The following RAB11FIP4 variants were observed in gnomAD, a reference collection of about 807,000 sequenced individuals.
RAB11FIP4 encodes the protein rab11 family-interacting protein 4.
RAB11FIP4 carries 23 observed loss-of-function variants against 74.3 expected under a neutral mutation model. The ratio of observed to expected loss-of-function variants is 0.31; its 90% CI spans 0.22 to 0.44. The LOEUF (loss-of-function observed/expected upper bound fraction) is 0.44. RAB11FIP4 is among the 20% of genes least tolerant of loss of function. The pLI is 1.00. For synonymous variants in RAB11FIP4, 360 were observed against 359.9 expected, an observed-to-expected ratio of 1.00 and a Z score of 0.00; for missense variants, 630 against 863.9, an observed-to-expected ratio of 0.73 and a Z score of 3.39.
intron 3 of RAB11FIP4, among the ~76,000 whole-genome samples, chr17:31,500,044 G>A (rs2072189459): frequency 1.3e-5 from 2 of 152,174 alleles, no homozygotes; most frequent in African/African-American, 4.8e-5. Flanking sequence ...TGTTTGCAGG[G>A]CAGAGGGTAG....
intron 3 of RAB11FIP4, among the ~76,000 whole-genome samples, chr17:31,459,433 C>G (rs1454577333): frequency 1.3e-5 from 2 of 152,150 alleles, no homozygotes; most frequent in Non-Finnish European, 2.9e-5. Flanking sequence ...CAGATACTCT[C>G]ATTCCTCTCT....
chr17:31,497,024 A>T (rs1269311945), intron 3 of RAB11FIP4, among the ~76,000 whole-genome samples: 1 of 152,168 alleles, frequency 6.6e-6, no homozygotes, highest in African/African-American at 2.4e-5. Flanking sequence ...CCTGGCACAC[A>T]ATAGGTGCTT....
Position 31,453,880 on chromosome 17 carries a change from T to C in RAB11FIP4, c.336+19758T>C, listed in dbSNP as rs576063023. 4.5e-4 allele frequency among the ~76,000 whole-genome samples: 67 copies of C among 150,340 alleles called. 2 individuals carry two copies. The highest frequency in any genetic ancestry group is 1.9e-3 in the Admixed American group (29 of 15,122). Reference sequence around the variant, plus strand: ...GTGGAAAATACTGGCATTTCTCAACTCACAATGCATAGATTGTGAGACATA... The same window carrying C: ...GTGGAAAATACTGGCATTTCTCAACCCACAATGCATAGATTGTGAGACATA... On this transcript the variant is annotated intron_variant, in intron 3 of 14. Transcript: ENST00000621161.
intron 1 of RAB11FIP4, among the ~76,000 whole-genome samples, chr17:31,407,180 G>T (rs1357372525): frequency 6.6e-6 from 1 of 151,122 alleles, no homozygotes; most frequent in East Asian, 2.0e-4. Context: ...GAATAGCTGG[G>T]ACTAACAGGT....
intron 3 of RAB11FIP4, among the ~76,000 whole-genome samples, chr17:31,453,792 CAA>C (rs555119408): frequency 5.0e-4 from 31 of 62,598 alleles, no homozygotes; most frequent in Admixed American, 7.3e-4. Context: ...AGACTCGTCT[CAA>C]AAAAAAAAAA....
chr17:31,480,819 A>G (rs541518657), intron 3 of RAB11FIP4, among the ~76,000 whole-genome samples: 16 of 151,538 alleles, frequency 1.1e-4, no homozygotes, highest in African/African-American at 3.1e-4. Flanking sequence ...AAAAAAAAGA[A>G]AGAAAATAGT....
intron 3 of RAB11FIP4, among the ~76,000 whole-genome samples, chr17:31,474,084 G>A (rs1349262657): frequency 6.6e-6 from 1 of 152,192 alleles, no homozygotes. Context: ...GAGGCTCATT[G>A]CAGCTGCAAT....
intron 4 of RAB11FIP4, among the ~76,000 whole-genome samples, chr17:31,519,895 C>T (rs1457560192): frequency 6.6e-6 from 1 of 151,494 alleles, no homozygotes; most frequent in Non-Finnish European, 1.5e-5. Context: ...GGCAGATCAC[C>T]TGAGGCCAGG....
At chr17:31,457,099 A>T (rs1369612596) in intron 3 of RAB11FIP4, among the ~76,000 whole-genome samples, 1 of 152,180 alleles carries the variant, frequency 6.6e-6, no homozygotes, top group Non-Finnish European at 1.5e-5. Flanking sequence ...TGAGTTGCTC[A>T]GGTGAGGGTG....
intron 3 of RAB11FIP4, among the ~76,000 whole-genome samples, chr17:31,444,862 C>A (rs530210688): frequency 1.3e-5 from 2 of 152,328 alleles, no homozygotes; most frequent in South Asian, 2.1e-4. Flanking sequence ...TGATCCCTCC[C>A]CTTCTCCTTT....
In RAB11FIP4 at chr17:31,520,241, A is replaced by G. The variant is rs77133507; in HGVS notation, c.564-925A>G. Among the ~76,000 whole-genome samples the G allele has an allele frequency of 8.7e-3, 1,318 of 152,292 alleles. 14 individuals are homozygous for G. Among genetic ancestry groups the G allele is most frequent in the Admixed American group, 0.036 (550 of 15,286 alleles). ...TATGCATAGGTTGTATGTGAATACTATGCCATTTCATATCTGGGACTTGAG... is the reference window on the plus strand; with the variant it reads ...TATGCATAGGTTGTATGTGAATACTGTGCCATTTCATATCTGGGACTTGAG... On this transcript the variant is annotated intron_variant, in intron 4 of 14. Coordinates refer to ENST00000621161, the MANE Select transcript of RAB11FIP4 (RefSeq NM_032932.6).
chr17:31,482,806 C>G (rs979173610), intron 3 of RAB11FIP4, among the ~76,000 whole-genome samples: 5 of 152,036 alleles, frequency 3.3e-5, no homozygotes, highest in African/African-American at 1.2e-4. Context: ...CAATGGACCT[C>G]TGAGAGAGAG....
intron 2 of RAB11FIP4, among the ~76,000 whole-genome samples, chr17:31,432,362 T>TA (rs981444271): frequency 1.3e-5 from 2 of 151,454 alleles, no homozygotes; most frequent in African/African-American, 4.8e-5. Context: ...TCCTCTTTTT[T>TA]TTTTTTTTTT....
In RAB11FIP4 at chr17:31,522,806, G is replaced by A. The variant is rs192251967; in HGVS notation, c.929+411G>A. 5.4e-5 allele frequency: 11 copies of A among 204,386 alleles called. No individual in the cohort carries two copies. In the East Asian group the frequency reaches 1.2e-3, roughly 23 times the overall value. The allele number at this position is 204,386 out of a possible 1,614,324, so 12.7% of individuals were successfully genotyped here. On this transcript the variant is annotated intron_variant, in intron 7 of 14. Coordinates refer to ENST00000621161, the MANE Select transcript of RAB11FIP4 (RefSeq NM_032932.6). ...CCATTGGGGCTGGTCACTTTGCTCCGATTAAGTCCTGCGGCAGTTCAGTGT... is the reference window on the plus strand; with the variant it reads ...CCATTGGGGCTGGTCACTTTGCTCCAATTAAGTCCTGCGGCAGTTCAGTGT...
rs1597989130 is a variant in RAB11FIP4 at position 31,530,615 on chromosome 17, T to C, written c.1797+146T>C. 9.1e-6 allele frequency: 10 copies of C among 1,101,406 alleles called. No individual in the cohort carries two copies. In the East Asian group the frequency reaches 2.5e-4, roughly 27 times the overall value. The allele number at this position is 1,101,406 out of a possible 1,614,324, so 68.2% of individuals were successfully genotyped here. ...GCTACCCCACATGACAGGGCAAGGC[T>C]GTGAGCAGGGGAGGGGGCTGCTGGA... On this transcript the variant is annotated intron_variant, in intron 14 of 14. Coordinates refer to ENST00000621161, the MANE Select transcript of RAB11FIP4 (RefSeq NM_032932.6).
At position 31,430,648 on chromosome 17, in the gene RAB11FIP4, C is replaced by T. The variant is rs1448763677; in HGVS notation, c.160-1165C>T. Among the ~76,000 whole-genome samples, 9 of 152,100 alleles carry T rather than the reference C, an allele frequency of 5.9e-5. No individual in the cohort carries two copies. In the East Asian group the frequency reaches 9.7e-4, roughly 16 times the overall value. ...TGCTGGGATTACAGGTGTGAGCCAC[C>T]GCGCCCGCCCTGGAGTTTGGATTTT... On this transcript the variant is annotated intron_variant, in intron 1 of 14. Transcript: ENST00000621161.
chr17:31,490,844 ACCACAC>A (rs1424402734), intron 3 of RAB11FIP4, among the ~76,000 whole-genome samples: 13 of 152,246 alleles, frequency 8.5e-5, no homozygotes, highest in Non-Finnish European at 1.8e-4. Flanking sequence ...GGCATGAGCC[ACCACAC>A]CCAGCTGAAG....
At chr17:31,514,562 C>T (rs1022648081) in intron 3 of RAB11FIP4, among the ~76,000 whole-genome samples, 3 of 152,324 alleles carry the variant, frequency 2.0e-5, no homozygotes, top group South Asian at 2.1e-4. Flanking sequence ...CATCGGGCTG[C>T]GGTGAAGTCC....
At chr17:31,521,126 C>T (rs1374896334) in intron 4 of RAB11FIP4, 40 bp from the exon 5 acceptor site, 4 of 1,458,768 alleles carry the variant, frequency 2.7e-6, no homozygotes, top group Non-Finnish European at 3.7e-6. Context: ...GCTGGGGACC[C>T]ATGAGTCCTC....
Sources: allele counts gnomAD v4.1 joint callset (sites outside exome capture counted in the v4.1 genomes callset), GRCh38; gene constraint gnomAD v4.1.1; transcripts MANE v1.5; gene names NCBI Gene and HGNC (gene_info 2026-07-23, HGNC 2026-07-21).